Variants in ZBTB41 observed in about 807,000 individuals in gnomAD.
ZBTB41 encodes the protein zinc finger and BTB domain containing 41, also known as zinc finger and BTB domain-containing protein 41.
Under a neutral mutation model 87.6 loss-of-function variants are expected in ZBTB41, and 42 were observed. That is an observed-to-expected ratio of 0.48 (90% CI 0.37 to 0.62). ZBTB41 has a LOEUF of 0.62. Among genes scored for constraint, ZBTB41 ranks in the 20% least tolerant of loss-of-function variants. The probability of loss-of-function intolerance (pLI) is 0.00; values close to 1 mark genes in which losing one functional copy is unlikely to be tolerated. For synonymous variants in ZBTB41, 364 were observed against 364.0 expected, an observed-to-expected ratio of 1.00 and a Z score of 0.00; for missense variants, 799 against 1,078.9, an observed-to-expected ratio of 0.74 and a Z score of 3.63.
intron 2 of ZBTB41, among the ~76,000 whole-genome samples, chr1:197,197,793 T>C (rs569304121): frequency 1.7e-4 from 26 of 152,330 alleles, no homozygotes; most frequent in African/African-American, 5.5e-4. Flanking sequence ...ACTAAAGAAT[T>C]GGGCAGTTAA....
chr1:197,161,685 A>T (rs1360898144), intron 10 of ZBTB41, among the ~76,000 whole-genome samples: 1 of 152,156 alleles, frequency 6.6e-6, no homozygotes, highest in Non-Finnish European at 1.5e-5. Flanking sequence ...AGCATCTAAC[A>T]TTTGATTTTA....
intron 10 of ZBTB41, among the ~76,000 whole-genome samples, chr1:197,162,546 T>C (rs1659226752): frequency 6.6e-6 from 1 of 152,152 alleles, no homozygotes; most frequent in Non-Finnish European, 1.5e-5. Flanking sequence ...ATATTAAAAA[T>C]TGGTATGTGA....
intron 9 of ZBTB41, among the ~76,000 whole-genome samples, 198 bp downstream of exon 9, chr1:197,174,812 T>C (rs1213923013): frequency 6.6e-6 from 1 of 152,038 alleles, no homozygotes; most frequent in Non-Finnish European, 1.5e-5. Flanking sequence ...GTCACCTCCC[T>C]GGCCTTTGAA....
At chr1:197,189,784 T>C (rs1434315228) in intron 4 of ZBTB41, among the ~76,000 whole-genome samples, 1 of 152,170 alleles carries the variant, frequency 6.6e-6, no homozygotes, top group African/African-American at 2.4e-5. Context: ...CTCTTGGAAC[T>C]TAGTTGCTAT....
chr1:197,173,268 C>T (rs1659520961), intron 9 of ZBTB41, among the ~76,000 whole-genome samples: 1 of 152,080 alleles, frequency 6.6e-6, no homozygotes, highest in South Asian at 2.1e-4. Context: ...AACATTGTTA[C>T]CAATACGAAA....
At chr1:197,193,253 C>T (rs1660077893) in intron 2 of ZBTB41, among the ~76,000 whole-genome samples, 1 of 151,934 alleles carries the variant, frequency 6.6e-6, no homozygotes, top group African/African-American at 2.4e-5. Context: ...AACATCCTGG[C>T]ACAGCCAGGC....
chr1:197,193,350 A>T (rs1660080005), intron 2 of ZBTB41, among the ~76,000 whole-genome samples: 1 of 152,042 alleles, frequency 6.6e-6, no homozygotes, highest in South Asian at 2.1e-4. Flanking sequence ...CAGCCTGGCC[A>T]GCATGGCAAA....
At chr1:197,173,754 T>C (rs1422993723) in intron 9 of ZBTB41, among the ~76,000 whole-genome samples, 1 of 152,072 alleles carries the variant, frequency 6.6e-6, no homozygotes, top group African/African-American at 2.4e-5. Context: ...TTCATATCCA[T>C]GGTAAATATA....
chr1:197,199,672 C>A lies in ZBTB41; in HGVS notation c.802G>T (p.Asp268Tyr). 1 of 1,613,480 alleles carries A rather than the reference C, an allele frequency of 6.2e-7. No homozygotes were observed. The highest frequency in any genetic ancestry group is 8.5e-7 in the Non-Finnish European group (1 of 1,179,956). Residue 268 changes from aspartate to tyrosine, a missense_variant, in exon 2 of 11, where the codon GAT becomes TAT. Around this residue, in one of 5 missense-constraint regions of ZBTB41, gnomAD observed 294 missense variants for 340.1 expected, o/e 0.86. Transcript: ENST00000367405. ...KCPVKFDDTS[D>Y]DEQESGDGSD... ...CCATCACCACTTTCCTGTTCATCATCGCTGGTGTCATCAAACTTAACAGGG... is the reference window on the plus strand; with the variant it reads ...CCATCACCACTTTCCTGTTCATCATAGCTGGTGTCATCAAACTTAACAGGG...
chr1:197,158,332 T>C lies in ZBTB41; in HGVS notation c.*1027A>G, dbSNP rs1047646429. 1.3e-5 allele frequency: 2 copies of C among 152,470 alleles called. No homozygotes were observed. The highest frequency in any genetic ancestry group is 6.6e-5 in the Admixed American group (1 of 15,254). The allele number at this position is 152,470 out of a possible 1,614,324, so 9.4% of individuals were successfully genotyped here. A position where few individuals can be genotyped will look rare whatever the true frequency, so the allele number is the denominator to read the frequency against. On this transcript the variant is annotated 3_prime_UTR_variant, in exon 11 of 11. Coordinates refer to ENST00000367405, the MANE Select transcript of ZBTB41 (RefSeq NM_194314.3). ...GTAGTGGTTCCATTTAATTAAACAATGTTAAGTTAAATTAGGCACAAATTT... is the reference window on the plus strand; with the variant it reads ...GTAGTGGTTCCATTTAATTAAACAACGTTAAGTTAAATTAGGCACAAATTT...
At chr1:197,200,805 C>G (rs1200653985) in intron 1 of ZBTB41, among the ~76,000 whole-genome samples, 2 of 152,198 alleles carry the variant, frequency 1.3e-5, no homozygotes, top group African/African-American at 2.4e-5. Context: ...GGAACCCAGG[C>G]ACACCTTCCA....
chr1:197,175,084 T>C lies in ZBTB41; in HGVS notation c.1911A>G (p.Gly637=). ...GATGATCCCTACGACCAAAACATTT[T>C]CCACATTCTTCACACTGATGAGCTT... is the stretch of plus-strand genomic sequence containing the variant. ...GEKAHQCEEC[G]KCFGRRDHLT... is the part of the protein sequence containing the mutation. Residue 637 remains glycine (G), a synonymous_variant, in exon 9 of 11, where the codon GGA becomes GGG. Coordinates refer to ENST00000367405, the MANE Select transcript of ZBTB41 (RefSeq NM_194314.3). The C allele has an allele frequency of 1.2e-6, 2 of 1,611,392 alleles. No homozygotes were observed. Among genetic ancestry groups the C allele is most frequent in the Non-Finnish European group, 1.7e-6 (2 of 1,178,490 alleles).
chr1:197,175,166 T>TA (rs1470596409), intron 8 of ZBTB41, 51 bp from the exon 9 acceptor site: 2 of 1,485,500 alleles, frequency 1.3e-6, no homozygotes, highest in Non-Finnish European at 1.9e-6. Context: ...CTCAGGTTTT[T>TA]ATCCCCAGAA....
At chr1:197,198,308 A>G (rs1349985342) in intron 2 of ZBTB41, among the ~76,000 whole-genome samples, 1 of 131,526 alleles carries the variant, frequency 7.6e-6, no homozygotes, top group Non-Finnish European at 1.5e-5. Context: ...TATAAAAAGC[A>G]AAAAGCAGAT....
chr1:197,166,120 C>T (rs1356228276), intron 10 of ZBTB41, among the ~76,000 whole-genome samples: 1 of 152,006 alleles, frequency 6.6e-6, no homozygotes, highest in Non-Finnish European at 1.5e-5. Context: ...CAGGAAACCA[C>T]CATAGCACGT....
chr1:197,190,941 A>G (rs1367980489), intron 3 of ZBTB41, 110 bp from the exon 4 acceptor site: 1 of 639,772 alleles, frequency 1.6e-6, no homozygotes, highest in Non-Finnish European at 2.6e-6. Flanking sequence ...GATTCCTTTC[A>G]TAATGAGACA....
chr1:197,165,148 CAA>C (rs1399299879), intron 10 of ZBTB41, among the ~76,000 whole-genome samples: 3 of 150,932 alleles, frequency 2.0e-5, no homozygotes, highest in Admixed American at 6.6e-5. Context: ...TCTTCTCTGA[CAA>C]GAGTAGAATT....
At chr1:197,162,807 G>A (rs986467587) in intron 10 of ZBTB41, among the ~76,000 whole-genome samples, 10 of 152,250 alleles carry the variant, frequency 6.6e-5, no homozygotes, top group South Asian at 2.1e-4. Flanking sequence ...GGAAATAGAC[G>A]CCAAGCTGCA....
In ZBTB41 at chr1:197,172,185, C is replaced by T; in HGVS notation, c.2049G>A (p.Leu683=). Residue 683 remains leucine (L), a synonymous_variant, in exon 10 of 11, where the codon CTG becomes CTA. Coordinates refer to ENST00000367405, the MANE Select transcript of ZBTB41 (RefSeq NM_194314.3). ...CKKIFKGKSS[L]EMHFRTHSGE... ...CTGAATGCGTTCGAAAATGCATTTC[C>T]AGACTTGATTTGCCTTTAAAAATTT... is the stretch of plus-strand genomic sequence containing the variant. The T allele has an allele frequency of 7.0e-7, 1 of 1,433,380 alleles. No homozygotes were observed. Among genetic ancestry groups the T allele is most frequent in the Non-Finnish European group, 9.3e-7 (1 of 1,080,654 alleles). 88.8% of individuals were successfully genotyped at this position (1,433,380 alleles called of 1,614,324 possible). A position where few individuals can be genotyped will look rare whatever the true frequency, so the allele number is the denominator to read the frequency against.
Sources: gnomAD v4.1 joint callset for allele counts (sites outside exome capture counted in the v4.1 genomes callset) on GRCh38, gnomAD v4.1.1 for gene constraint, gnomAD v4.1.1 regional missense constraint, MANE v1.5 for transcripts, NCBI Gene and HGNC (gene_info 2026-07-23, HGNC 2026-07-21) for gene names.